LRP1B: variants seen among roughly 807,000 people sequenced by gnomAD.
LRP1B encodes the protein low-density lipoprotein receptor-related protein 1B.
In LRP1B, 217 loss-of-function variants were observed where a neutral mutation model predicts 556.6. The ratio of observed to expected loss-of-function variants is 0.39; its 90% CI spans 0.35 to 0.44. The LOEUF is 0.44. Among genes scored for constraint, LRP1B ranks in the 20% least tolerant of loss-of-function variants. The pLI is 1.00. For missense variants in LRP1B, 5,053 were observed against 5,620.8 expected (o/e 0.90, Z 3.23); for synonymous variants, 2,047 against 1,865.8 (o/e 1.10, Z -2.50).
chr2:141,921,901 C>T (rs1027638808), intron 1 of LRP1B, among the ~76,000 whole-genome samples: 5 of 152,028 alleles, frequency 3.3e-5, no homozygotes, highest in South Asian at 2.1e-4. Flanking sequence ...GTGAAATATA[C>T]ACATTTTTCT....
chr2:140,981,113 G>A (rs1202393049), intron 18 of LRP1B, among the ~76,000 whole-genome samples: 2 of 151,386 alleles, frequency 1.3e-5, no homozygotes, highest in Non-Finnish European at 2.9e-5. Context: ...TGTAAAGGGG[G>A]TAGAGGATAA....
At chr2:141,153,395 TTATA>T (rs1375916276) in intron 7 of LRP1B, among the ~76,000 whole-genome samples, 2 of 64,678 alleles carry the variant, frequency 3.1e-5, no homozygotes, top group African/African-American at 9.9e-5. Flanking sequence ...AGCTATATAT[TTATA>T]TATATTATAT....
At chr2:142,023,608 A>G (rs1168811178) in intron 1 of LRP1B, among the ~76,000 whole-genome samples, 2 of 152,204 alleles carry the variant, frequency 1.3e-5, no homozygotes, top group Non-Finnish European at 2.9e-5. Flanking sequence ...AATGGTTGAG[A>G]ATAAAGAGAA....
intron 3 of LRP1B, among the ~76,000 whole-genome samples, chr2:141,466,369 C>T (rs950080921): frequency 6.6e-6 from 1 of 152,178 alleles, no homozygotes; most frequent in Non-Finnish European, 1.5e-5. Context: ...TAGTGAGTAA[C>T]TAACTGCTCT....
chr2:141,909,273 T>C (rs1205046773), intron 1 of LRP1B, among the ~76,000 whole-genome samples: 7 of 152,020 alleles, frequency 4.6e-5, no homozygotes, highest in South Asian at 4.1e-4. Flanking sequence ...GAAAGGAACA[T>C]TTTCACAATA....
Position 141,329,654 on chromosome 2 carries a change from A to AAAAACAAAACAAAC in LRP1B, c.344-75014_344-75013insGTTTGTTTTGTTTT, listed in dbSNP as rs1157033686. ...GCGAGACTCTGTCTCAAAAAAAAAA[A>AAAAACAAAACAAAC]AAAAAAAAAAACTATCTCTCTCTCT... On this transcript the variant is annotated intron_variant, in intron 3 of 90. Transcript: ENST00000389484. 3.2e-3 allele frequency among the ~76,000 whole-genome samples: 449 copies of AAAAACAAAACAAAC among 140,264 alleles called. 12 individuals carry two copies. The highest frequency in any genetic ancestry group is 0.012 in the African/African-American group (423 of 36,304). The allele number at this position is 140,264 out of a possible 152,430, so 92.0% of individuals were successfully genotyped here. A position where few individuals can be genotyped will look rare whatever the true frequency, so the allele number is the denominator to read the frequency against.
intron 7 of LRP1B, among the ~76,000 whole-genome samples, chr2:141,097,792 C>T (rs1437822938): frequency 6.6e-6 from 1 of 152,084 alleles, no homozygotes; most frequent in Non-Finnish European, 1.5e-5. Context: ...CAAATTATTA[C>T]AGTTCTCAAA....
At chr2:140,790,039 G>A (rs1690057908) in intron 32 of LRP1B, among the ~76,000 whole-genome samples, 1 of 151,952 alleles carries the variant, frequency 6.6e-6, no homozygotes, top group Admixed American at 6.6e-5. Context: ...CATCTTCTCA[G>A]GAAAAGCCTC....
intron 1 of LRP1B, among the ~76,000 whole-genome samples, chr2:141,952,758 A>G (rs972840663): frequency 6.6e-6 from 1 of 152,186 alleles, no homozygotes; most frequent in Admixed American, 6.6e-5. Context: ...ATATGTAGCA[A>G]AGACACATTT....
intron 2 of LRP1B, among the ~76,000 whole-genome samples, chr2:141,580,172 C>T (rs112397258): frequency 0.028 from 4,216 of 152,152 alleles, 212 homozygotes; most frequent in African/African-American, 0.094. Context: ...TCATTTTAGG[C>T]ACTAATTTAG....
At chr2:141,959,395 A>G (rs188704161) in intron 1 of LRP1B, among the ~76,000 whole-genome samples, 82 of 152,114 alleles carry the variant, frequency 5.4e-4, no homozygotes, top group Admixed American at 1.9e-3. Context: ...CTTTGCTTCC[A>G]CAACTACCAT....
At chr2:140,798,394 C>T (rs1006867116) in intron 32 of LRP1B, among the ~76,000 whole-genome samples, 2 of 152,124 alleles carry the variant, frequency 1.3e-5, no homozygotes, top group African/African-American at 4.8e-5. Context: ...TCTCTTCCTA[C>T]CCTTCTCTGC....
chr2:140,967,227 G>A lies in LRP1B; in HGVS notation c.2887+14933C>T, dbSNP rs566424358. Reference sequence around the variant, plus strand: ...ATCCTCTTTTATTTCACTGAACAGCGGTTTGTAGTTCTCCTCAAAGGGGTT... The same window carrying A: ...ATCCTCTTTTATTTCACTGAACAGCAGTTTGTAGTTCTCCTCAAAGGGGTT... On this transcript the variant is annotated intron_variant, in intron 18 of 90. Coordinates refer to ENST00000389484, the MANE Select transcript of LRP1B (RefSeq NM_018557.3). 4.6e-5 allele frequency among the ~76,000 whole-genome samples: 7 copies of A among 152,060 alleles called. No individual in the cohort carries two copies. In the South Asian group the frequency reaches 1.0e-3, roughly 23 times the overall value.
intron 2 of LRP1B, among the ~76,000 whole-genome samples, chr2:141,743,357 C>T (rs568690423): frequency 5.3e-5 from 8 of 152,124 alleles, no homozygotes; most frequent in Non-Finnish European, 8.8e-5. Flanking sequence ...AGGATTTTTG[C>T]ATGAATATTC....
At chr2:141,923,483 T>A (rs1227116788) in intron 1 of LRP1B, among the ~76,000 whole-genome samples, 11 of 100,698 alleles carry the variant, frequency 1.1e-4, no homozygotes, top group East Asian at 9.0e-4. Context: ...TGTGTGTGTG[T>A]GTGTAGAGAG....
chr2:141,991,515 G>GCA (rs1450888329), intron 1 of LRP1B, among the ~76,000 whole-genome samples: 9 of 151,674 alleles, frequency 5.9e-5, no homozygotes, highest in South Asian at 2.1e-4. Context: ...AACCTCATAC[G>GCA]CACACACACA....
chr2:140,823,752 C>G (rs1018068553), intron 31 of LRP1B, among the ~76,000 whole-genome samples: 1 of 151,090 alleles, frequency 6.6e-6, no homozygotes, highest in Non-Finnish European at 1.5e-5. Context: ...ATATTTTATC[C>G]AATTATTTGC....
chr2:141,268,367 T>C (rs1684967191), intron 3 of LRP1B, among the ~76,000 whole-genome samples: 1 of 152,194 alleles, frequency 6.6e-6, no homozygotes, highest in East Asian at 1.9e-4. Context: ...ACTTAGCTAC[T>C]TAGCTCTTTA....
chr2:141,797,471 G>C (rs1000834816), intron 2 of LRP1B, among the ~76,000 whole-genome samples: 1 of 151,924 alleles, frequency 6.6e-6, no homozygotes, highest in Admixed American at 6.6e-5. Context: ...GCATTGGAAA[G>C]GGAGGGTGAG....
Sources: gnomAD v4.1 joint callset for allele counts (sites outside exome capture counted in the v4.1 genomes callset) on GRCh38, gnomAD v4.1.1 for gene constraint, MANE v1.5 for transcripts, NCBI Gene and HGNC (gene_info 2026-07-23, HGNC 2026-07-21) for gene names.